CASK: variants seen among roughly 807,000 people sequenced by gnomAD.
CASK encodes calcium/calmodulin dependent serine protein kinase, also known as peripheral plasma membrane protein CASK.
A neutral mutation model predicts 82.9 loss-of-function variants in CASK; 4 were observed. The ratio of observed to expected loss-of-function variants is 0.05; its 90% confidence interval spans 0.02 to 0.11. CASK has a LOEUF of 0.11. Ranked by LOEUF, CASK falls within the 10% of genes least tolerant of loss-of-function variation. CASK has a pLI of 1.00. For missense variants in CASK, 358 were observed against 720.9 expected (o/e 0.50, Z 5.76); for synonymous variants, 259 against 253.5 (o/e 1.02, Z -0.20).
At chrX:41,607,161 C>A (rs749697955) in intron 12 of CASK, among the ~76,000 whole-genome samples, 2 of 112,666 alleles carry the variant, frequency 1.8e-5, no homozygotes, top group South Asian at 3.7e-4. Flanking sequence ...CTAAGAATCT[C>A]TTCTGAAATT....
intron 21 of CASK, among the ~76,000 whole-genome samples, chrX:41,546,779 T>C (rs1324253641): frequency 8.9e-6 from 1 of 111,864 alleles, no homozygotes; most frequent in Non-Finnish European, 1.9e-5. Context: ...CGCCTGGTCA[T>C]TTTTTAATAA....
chrX:41,858,779 A>C (rs749592082), intron 1 of CASK, among the ~76,000 whole-genome samples: 1 of 111,423 alleles, frequency 9.0e-6, no homozygotes, highest in South Asian at 3.8e-4. Flanking sequence ...CAGTTCTAAA[A>C]GATTAAACAA....
At chrX:41,718,146 G>A (rs969283117) in intron 5 of CASK, among the ~76,000 whole-genome samples, 1 of 113,131 alleles carries the variant, frequency 8.8e-6, no homozygotes, top group Non-Finnish European at 1.9e-5. Context: ...GGTTCAAGGA[G>A]CTTCTGGATA....
intron 16 of CASK, among the ~76,000 whole-genome samples, chrX:41,567,095 G>A (rs2065330603): frequency 8.9e-6 from 1 of 112,008 alleles, no homozygotes; most frequent in African/African-American, 3.2e-5. Context: ...ATTCAAGATG[G>A]ATTAAAGACT....
chrX:41,713,222 G>A (rs1055338654), intron 5 of CASK, among the ~76,000 whole-genome samples: 4 of 111,911 alleles, frequency 3.6e-5, no homozygotes, highest in African/African-American at 1.3e-4. Context: ...TGAAACTGGA[G>A]GGTATACTGT....
At chrX:41,623,065 T>G (rs1325689442) in intron 10 of CASK, among the ~76,000 whole-genome samples, 1 of 109,857 alleles carries the variant, frequency 9.1e-6, no homozygotes, top group Non-Finnish European at 1.9e-5. Context: ...AGCTAATTTT[T>G]GTATTTTTAG....
intron 12 of CASK, among the ~76,000 whole-genome samples, chrX:41,600,271 G>C (rs1371529541): frequency 8.9e-6 from 1 of 112,165 alleles, no homozygotes; most frequent in Admixed American, 9.4e-5. Context: ...AAAGAGAATA[G>C]CACAAAGGCA....
intron 2 of CASK, among the ~76,000 whole-genome samples, chrX:41,852,214 G>A (rs1435372772): frequency 9.0e-6 from 1 of 111,002 alleles, no homozygotes; most frequent in African/African-American, 3.3e-5. Flanking sequence ...AGATCTCCAG[G>A]AACAGACAAA....
intron 4 of CASK, among the ~76,000 whole-genome samples, chrX:41,744,550 T>C (rs1259304545): frequency 2.7e-5 from 3 of 110,222 alleles, no homozygotes; most frequent in Non-Finnish European, 5.7e-5. Flanking sequence ...TTCACTGTGT[T>C]AGCCAGGATG....
rs780415864 is a variant in CASK, at chrX:41,515,387, C to T, written c.*5033G>A. The T allele has an allele frequency of 4.7e-3, 532 of 112,505 alleles. 5 individuals are homozygous for T. The highest frequency in any genetic ancestry group is 6.7e-3 in the Non-Finnish European group (357 of 53,290). 9.3% of individuals were successfully genotyped at this position (112,505 alleles called of 1,213,427 possible). A position where few individuals can be genotyped will look rare whatever the true frequency, so the allele number is the denominator to read the frequency against. Reference sequence around the variant, plus strand: ...ATATACAACAACCATTAACATCTCTCTCTTTTTATCACTGAGACAATACTT... The same window carrying T: ...ATATACAACAACCATTAACATCTCTTTCTTTTTATCACTGAGACAATACTT... On this transcript the variant is annotated 3_prime_UTR_variant, in exon 27 of 27. Coordinates refer to ENST00000378163, the MANE Select transcript of CASK (RefSeq NM_001367721.1).
At chrX:41,536,231 C>A (rs1034920017) in intron 22 of CASK, among the ~76,000 whole-genome samples, 7 of 110,739 alleles carry the variant, frequency 6.3e-5, no homozygotes, top group Non-Finnish European at 1.1e-4. Flanking sequence ...GATTCTCCTG[C>A]CTCAGCTTCC....
intron 2 of CASK, among the ~76,000 whole-genome samples, chrX:41,799,573 A>G (rs1020175172): frequency 2.8e-5 from 3 of 107,833 alleles, no homozygotes; most frequent in African/African-American, 1.0e-4. Flanking sequence ...CCCCACAATG[A>G]CTAGGTGGGA....
At chrX:41,616,243 T>C (rs2066194836) in intron 11 of CASK, among the ~76,000 whole-genome samples, 1 of 111,907 alleles carries the variant, frequency 8.9e-6, no homozygotes, top group Non-Finnish European at 1.9e-5. Context: ...ATCTACAAAG[T>C]ATGCACTGAA....
chrX:41,648,320 C>T (rs1212526283), intron 8 of CASK, among the ~76,000 whole-genome samples: 2 of 111,341 alleles, frequency 1.8e-5, no homozygotes, highest in Non-Finnish European at 3.8e-5. Context: ...AACCCTGTCT[C>T]CTGATAAGAT....
intron 1 of CASK, among the ~76,000 whole-genome samples, chrX:41,866,817 G>T (rs1271319332): frequency 9.0e-6 from 1 of 111,474 alleles, no homozygotes; most frequent in East Asian, 2.8e-4. Context: ...AGTCTTCCAT[G>T]ATTCCTCACT....
intron 24 of CASK, 100 bp downstream of exon 24, chrX:41,534,606 G>A: frequency 7.7e-6 from 5 of 651,282 alleles, no homozygotes; most frequent in Non-Finnish European, 9.6e-6. Flanking sequence ...TTCCTACAAT[G>A]AACAGTTATA....
chrX:41,650,596 C>T (rs1218451052), intron 8 of CASK, among the ~76,000 whole-genome samples: 5 of 105,940 alleles, frequency 4.7e-5, no homozygotes, highest in Non-Finnish European at 9.7e-5. Flanking sequence ...GGTTGGAGTA[C>T]AGTGGCATGG....
intron 2 of CASK, among the ~76,000 whole-genome samples, chrX:41,830,611 T>C (rs9699300): frequency 4.3e-4 from 46 of 106,592 alleles, no homozygotes; most frequent in Non-Finnish European, 7.4e-4. Flanking sequence ...ATGAAGTCAG[T>C]AGATCGAGAC....
chrX:41,806,835 A>G (rs756300920), intron 2 of CASK, among the ~76,000 whole-genome samples: 4 of 112,068 alleles, frequency 3.6e-5, no homozygotes, highest in Non-Finnish European at 5.6e-5. Flanking sequence ...TTACAATTTT[A>G]AAGCAAAGAC....
Sources: allele counts gnomAD v4.1 joint callset (sites outside exome capture counted in the v4.1 genomes callset), GRCh38; gene constraint gnomAD v4.1.1; transcripts MANE v1.5; gene names NCBI Gene and HGNC (gene_info 2026-07-23, HGNC 2026-07-21).